Variants in CHMP7 observed in about 807,000 individuals in gnomAD.
CHMP7 encodes the protein CHMP family, member 7.
A neutral mutation model predicts 53.7 loss-of-function variants in CHMP7; 15 were observed. The observed-to-expected ratio is 0.28, with a 90% CI of 0.19 to 0.43. The LOEUF (loss-of-function observed/expected upper bound fraction) is 0.43. CHMP7 is among the 20% of genes least tolerant of loss of function. CHMP7 has a pLI of 1.00. For missense variants in CHMP7, 527 were observed against 569.4 expected (o/e 0.93, Z 0.76); for synonymous variants, 261 against 228.0 (o/e 1.14, Z -1.30).
rs370519485 is a variant in CHMP7 at position 23,260,513 on chromosome 8, G to A, written c.1301-25G>A. On this transcript the variant is annotated intron_variant, in intron 10 of 10. Coordinates refer to ENST00000397677, the MANE Select transcript of CHMP7 (RefSeq NM_152272.5). ...ATCTTCAAGATTTTCCTGTTATAGTGTTCAGTCATTTCTTTGCCTTGCAGG... is the reference window on the plus strand; with the variant it reads ...ATCTTCAAGATTTTCCTGTTATAGTATTCAGTCATTTCTTTGCCTTGCAGG... The A allele has an allele frequency of 5.0e-6, 8 of 1,607,818 alleles. No individual in the cohort carries two copies. In the African/African-American group the frequency reaches 1.1e-4, roughly 22 times the overall value.
chr8:23,247,620 A>G (rs1159079943), intron 2 of CHMP7, among the ~76,000 whole-genome samples: 2 of 152,132 alleles, frequency 1.3e-5, no homozygotes, highest in Non-Finnish European at 2.9e-5. Context: ...TAACTAATAC[A>G]TGTACAGTAC....
In CHMP7 at chr8:23,258,053, G is replaced by A. The variant is rs760665641; in HGVS notation, c.812G>A (p.Arg271Gln). ...TCCAGGTGTAAAGAAGAAGCCCGCC[G>A]GGCATGCCGAGCAGGAAAGAAGCAG... is the stretch of plus-strand genomic sequence containing the variant. ...EAERCKEEARRACRAGKKQLA... is the reference protein window; with the variant it reads ...EAERCKEEARQACRAGKKQLA... The change falls in exon 6 of 11, where the codon CGG (arginine) becomes CAG (glutamine). Residue 271 changes from arginine (R) to glutamine (Q), a missense_variant. Transcript: ENST00000397677. 9.9e-6 allele frequency: 16 copies of A among 1,613,166 alleles called. No homozygotes were observed. Among genetic ancestry groups the A allele is most frequent in the African/African-American group, 8.0e-5 (6 of 74,872 alleles).
intron 7 of CHMP7, 118 bp downstream of exon 7, chr8:23,258,567 G>A: frequency 7.0e-7 from 1 of 1,435,072 alleles, no homozygotes; most frequent in Non-Finnish European, 9.7e-7. Context: ...GGCTGGGGTT[G>A]CCTTTGCCTT....
chr8:23,256,404 T>C (rs1802126260), intron 4 of CHMP7, 56 bp from the exon 5 acceptor site: 8 of 1,336,704 alleles, frequency 6.0e-6, no homozygotes, highest in East Asian at 2.3e-5. Context: ...CGCTCCTGGT[T>C]GGGAATTTCT....
chr8:23,259,017 G>A, intron 8 of CHMP7, 49 bp from the exon 9 acceptor site: 2 of 1,278,332 alleles, frequency 1.6e-6, no homozygotes, highest in Non-Finnish European at 2.3e-6. Context: ...AGACTGAGAT[G>A]CTCAGAGCCA....
Position 23,246,928 on chromosome 8 carries a change from A to G in CHMP7, c.233A>G (p.Gln78Arg), listed in dbSNP as rs775727289. Residue 78 changes from glutamine to arginine, a missense_variant, in exon 2 of 11, where the codon CAG (glutamine) becomes CGG (arginine). Coordinates refer to ENST00000397677, the MANE Select transcript of CHMP7 (RefSeq NM_152272.5). ...GTGCGCCTGCGTCTGCGGGACTTGC[A>G]GGAGGCCTTTCAGCGCAAGGGGAGC... ...GVVRLRLRDL[Q>R]EAFQRKGSVP... 3 of 1,564,518 alleles carry G rather than the reference A, an allele frequency of 1.9e-6. No individual in the cohort carries two copies. The highest frequency in any genetic ancestry group is 2.6e-6 in the Non-Finnish European group (3 of 1,156,100).
At chr8:23,254,602 T>C (rs1802055950) in intron 3 of CHMP7, among the ~76,000 whole-genome samples, 1 of 151,978 alleles carries the variant, frequency 6.6e-6, no homozygotes, top group Non-Finnish European at 1.5e-5. Context: ...GGTTTTGCCA[T>C]GTTGGCCAGG....
Position 23,246,653 on chromosome 8 carries a change from G to C in CHMP7, c.-43G>C, listed in dbSNP as rs537986788. Reference sequence around the variant, plus strand: ...AGGGAACGAGGGCGGAAGCGGACCAGGGCCAGGCTTGTGTTCGCAGCCTTG... The same window carrying C: ...AGGGAACGAGGGCGGAAGCGGACCACGGCCAGGCTTGTGTTCGCAGCCTTG... On this transcript the variant is annotated 5_prime_UTR_variant, in exon 2 of 11. Transcript: ENST00000397677. The C allele has an allele frequency of 1.3e-6, 2 of 1,516,958 alleles. No individual in the cohort carries two copies. 94.0% of individuals were successfully genotyped at this position (1,516,958 alleles called of 1,614,324 possible). A position where few individuals can be genotyped will look rare whatever the true frequency, so the allele number is the denominator to read the frequency against.
rs1802062439 is a variant in CHMP7, at chr8:23,254,822, C to T, written c.472-425C>T. On this transcript the variant is annotated intron_variant, in intron 3 of 10. Coordinates refer to ENST00000397677, the MANE Select transcript of CHMP7 (RefSeq NM_152272.5). ...GGAATTAGATGTCATTTCATCCACC[C>T]TCTTCAGAGAGTGATACTGAGGACT... The T allele has an allele frequency of 2.8e-5, 7 of 249,676 alleles. No individual in the cohort carries two copies. The South Asian group carries it at 3.5e-4, about 12-fold the overall frequency. 15.5% of individuals were successfully genotyped at this position (249,676 alleles called of 1,614,324 possible).
rs1193713322 is a variant in CHMP7, at chr8:23,253,013, A to AT, written c.472-2231dup. Among the ~76,000 whole-genome samples the AT allele has an allele frequency of 1.0e-3, 156 of 152,222 alleles. 1 individual carries two copies. Among genetic ancestry groups the AT allele is most frequent in the Non-Finnish European group, 1.8e-4 (12 of 68,022 alleles). ...GACGAGTCACTTCTTGAAATGTCCA[A>AT]TTTCCTTGAATTTGTTTACATGACG... On this transcript the variant is annotated intron_variant, in intron 3 of 10. Transcript: ENST00000397677.
chr8:23,251,473 T>C (rs994961757), intron 3 of CHMP7, among the ~76,000 whole-genome samples: 11 of 152,360 alleles, frequency 7.2e-5, no homozygotes, highest in East Asian at 3.9e-4. Context: ...GAAAATCTTA[T>C]TCACTTGTTT....
chr8:23,254,198 T>C (rs989235792), intron 3 of CHMP7, among the ~76,000 whole-genome samples: 15 of 151,668 alleles, frequency 9.9e-5, no homozygotes, highest in Non-Finnish European at 2.1e-4. Flanking sequence ...TTTTTTTTTT[T>C]CAAGAAATCC....
At chr8:23,253,201 T>C (rs558441635) in intron 3 of CHMP7, among the ~76,000 whole-genome samples, 2 of 152,370 alleles carry the variant, frequency 1.3e-5, no homozygotes, top group South Asian at 2.1e-4. Flanking sequence ...ATTGTATCGC[T>C]GTCCTGCTGT....
At chr8:23,250,360 T>A (rs2128857588) in intron 3 of CHMP7, among the ~76,000 whole-genome samples, 1 of 152,240 alleles carries the variant, frequency 6.6e-6, no homozygotes, top group Middle Eastern at 3.4e-3. Context: ...CCTGCCCCTC[T>A]TGTCCCTTTG....
At position 23,256,603 on chromosome 8, in the gene CHMP7, A is replaced by T; in HGVS notation, c.791+10A>T. 6 of 1,612,812 alleles carry T rather than the reference A, an allele frequency of 3.7e-6. No individual in the cohort carries two copies. The highest frequency in any genetic ancestry group is 5.1e-6 in the Non-Finnish European group (6 of 1,179,190). ...CCCAGGAAGCAGAGAGGTAACTTTT[A>T]ACCCTGAACTGAGCCTCCTCCCCAC... On this transcript the variant is annotated intron_variant, in intron 5 of 10. Coordinates refer to ENST00000397677, the MANE Select transcript of CHMP7 (RefSeq NM_152272.5).
At chr8:23,249,992 A>G (rs1322992070) in intron 3 of CHMP7, among the ~76,000 whole-genome samples, 1 of 151,940 alleles carries the variant, frequency 6.6e-6, no homozygotes, top group Non-Finnish European at 1.5e-5. Flanking sequence ...TTTGGTCCAC[A>G]CCAGGAGACT....
chr8:23,250,978 C>T (rs970643362), intron 3 of CHMP7, among the ~76,000 whole-genome samples: 8 of 152,178 alleles, frequency 5.3e-5, no homozygotes, highest in African/African-American at 9.7e-5. Flanking sequence ...ACCCCTTCCC[C>T]GCACCCATGC....
At chr8:23,246,083 G>A (rs1801671885) in intron 1 of CHMP7, 173 bp from the exon 2 acceptor site, 2 of 152,154 alleles carry the variant, frequency 1.3e-5, no homozygotes, top group African/African-American at 4.8e-5. Flanking sequence ...AATCTTTTGA[G>A]TTTGTTTTCA....
intron 5 of CHMP7, among the ~76,000 whole-genome samples, 192 bp from the exon 6 acceptor site, chr8:23,257,841 C>T (rs1802200804): frequency 6.6e-6 from 1 of 152,242 alleles, no homozygotes; most frequent in Non-Finnish European, 1.5e-5. Flanking sequence ...CTGCTTGAGC[C>T]TGCCACAACA....
Sources: allele counts gnomAD v4.1 joint callset (sites outside exome capture counted in the v4.1 genomes callset), GRCh38; gene constraint gnomAD v4.1.1; transcripts MANE v1.5; gene names NCBI Gene and HGNC (gene_info 2026-07-23, HGNC 2026-07-21).